The following DOCK11 variants were observed in gnomAD, a reference collection of about 807,000 sequenced individuals.
DOCK11 encodes the protein dedicator of cytokinesis 11, also known as dedicator of cytokinesis protein 11.
Under a neutral mutation model 169.1 loss-of-function variants are expected in DOCK11, and 70 were observed. The observed-to-expected ratio is 0.41, with a 90% confidence interval of 0.34 to 0.51. DOCK11 has a LOEUF of 0.51. DOCK11 is among the 20% of genes least tolerant of loss of function. DOCK11 has a pLI of 0.10. For missense variants in DOCK11, 1,166 were observed against 1,538.8 expected (o/e 0.76, Z 4.05); for synonymous variants, 529 against 541.3 (o/e 0.98, Z 0.32).
At chrX:118,569,591 C>T (rs1467210571) in intron 10 of DOCK11, 1 of 111,260 alleles carries the variant, frequency 9.0e-6, no homozygotes. Flanking sequence ...AGTATATAGG[C>T]TATAAATAAT....
At chrX:118,565,455 G>A (rs986562833) in intron 7 of DOCK11, among the ~76,000 whole-genome samples, 5 of 111,570 alleles carry the variant, frequency 4.5e-5, no homozygotes, top group South Asian at 3.7e-4. Context: ...AACTATGGTC[G>A]CCCTATTGTG....
intron 52 of DOCK11, 119 bp from the exon 53 acceptor site, chrX:118,685,569 G>A (rs1305978496): frequency 3.2e-6 from 3 of 926,490 alleles, no homozygotes; most frequent in Non-Finnish European, 4.5e-6. Flanking sequence ...TCTGCTTTCT[G>A]TCTTTTTAAA....
intron 1 of DOCK11, among the ~76,000 whole-genome samples, chrX:118,507,220 A>G (rs1024029964): frequency 2.7e-5 from 3 of 112,429 alleles, no homozygotes; most frequent in Admixed American, 1.9e-4. Context: ...TTCCCATCGC[A>G]TTGCTTTCCC....
In DOCK11 at chrX:118,654,955, C is replaced by T. The variant is rs1002891985; in HGVS notation, c.4963C>T (p.Arg1655Ter). The T allele has an allele frequency of 8.3e-7, 1 of 1,205,385 alleles. No individual in the cohort carries two copies. The highest frequency in any genetic ancestry group is 1.7e-5 in the African/African-American group (1 of 57,648). ...VAALVAEFLH[R>*]KKLFPNGCSA... The stretch of plus-strand genomic sequence containing the variant: ...AGCTCTAGTTGCAGAGTTTCTTCAT[C>T]GAAAAAGTAAGATATTTCTGTTTTT... The change falls in exon 44 of 53, where the codon CGA becomes TGA. Residue 1655 changes from arginine to a stop codon, truncating the protein, a stop_gained. Coordinates refer to ENST00000276202, the MANE Select transcript of DOCK11 (RefSeq NM_144658.4). LOFTEE classifies it high-confidence loss of function.
At chrX:118,583,118 G>T (rs977991913) in intron 14 of DOCK11, among the ~76,000 whole-genome samples, 2 of 111,805 alleles carry the variant, frequency 1.8e-5, no homozygotes, top group African/African-American at 6.5e-5. Context: ...ATGAGTTCAT[G>T]TCCTTTGCAG....
chrX:118,515,556 C>G (rs1178304889), intron 1 of DOCK11, among the ~76,000 whole-genome samples: 1 of 111,024 alleles, frequency 9.0e-6, no homozygotes, highest in African/African-American at 3.3e-5. Flanking sequence ...TCTGTAAAGA[C>G]CCTTTGGCCA....
rs2016842457 is a variant in DOCK11 at position 118,685,684 on chromosome X, T to G, written c.6103-4T>G. 4.1e-6 allele frequency: 5 copies of G among 1,207,965 alleles called. No homozygotes were observed. In the South Asian group the frequency reaches 8.9e-5, roughly 22 times the overall value. On this transcript the variant is annotated splice_polypyrimidine_tract_variant and splice_region_variant and intron_variant, in intron 52 of 52. Transcript: ENST00000276202. ...GATAATCATGCTGATTTCTTCTGTT[T>G]TAGATATTACAAGAAGACACAATGC...
At chrX:118,540,587 A>G (rs1483946618) in intron 1 of DOCK11, among the ~76,000 whole-genome samples, 2 of 111,702 alleles carry the variant, frequency 1.8e-5, no homozygotes, top group East Asian at 5.6e-4. Flanking sequence ...AATAAAGCAT[A>G]AAGGTTAGGA....
intron 44 of DOCK11, among the ~76,000 whole-genome samples, chrX:118,656,154 G>A (rs1261239587): frequency 9.1e-6 from 1 of 110,408 alleles, no homozygotes; most frequent in Admixed American, 9.7e-5. Context: ...AGCTGGGCAT[G>A]GTGTCACATG....
In DOCK11 at chrX:118,627,560, G is replaced by A; in HGVS notation, c.3645G>A (p.Leu1215=). 1 of 1,208,870 alleles carries A rather than the reference G, an allele frequency of 8.3e-7. No homozygotes were observed. Among genetic ancestry groups the A allele is most frequent in the South Asian group, 1.8e-5 (1 of 56,873 alleles). The change falls in exon 33 of 53, where the codon CTG becomes CTA. Residue 1215 remains leucine (L), a synonymous_variant. Coordinates refer to ENST00000276202, the MANE Select transcript of DOCK11 (RefSeq NM_144658.4). Reference sequence around the variant, plus strand: ...CTTCACCTGCCAATAGAGGGAGTCTGAGCACTGACAAAGACACCGGTAATT... The same window carrying A: ...CTTCACCTGCCAATAGAGGGAGTCTAAGCACTGACAAAGACACCGGTAATT... The part of the protein sequence containing the change: ...GFTSPANRGS[L]STDKDTAYGS...
intron 13 of DOCK11, among the ~76,000 whole-genome samples, chrX:118,579,604 T>G (rs1422305640): frequency 8.9e-6 from 1 of 111,975 alleles, no homozygotes; most frequent in African/African-American, 3.2e-5. Flanking sequence ...CTGTTTAGAC[T>G]CTATAGGCAG....
intron 52 of DOCK11, among the ~76,000 whole-genome samples, chrX:118,684,398 A>T (rs1239171338): frequency 9.6e-6 from 1 of 104,466 alleles, no homozygotes; most frequent in Non-Finnish European, 1.9e-5. Context: ...TCAGCCTCCC[A>T]AGTAGCTGGG....
chrX:118,598,940 G>T (rs938133264), intron 22 of DOCK11, among the ~76,000 whole-genome samples, 199 bp from the exon 23 acceptor site: 14 of 111,882 alleles, frequency 1.3e-4, no homozygotes, highest in African/African-American at 4.5e-4. Flanking sequence ...GGCATAAATG[G>T]TGGCCTACCC....
chrX:118,523,155 C>T (rs2011300647), intron 1 of DOCK11, among the ~76,000 whole-genome samples: 2 of 112,371 alleles, frequency 1.8e-5, no homozygotes, highest in African/African-American at 3.2e-5. Context: ...TTCCTCCTGT[C>T]CTACATTTTC....
intron 1 of DOCK11, among the ~76,000 whole-genome samples, chrX:118,531,769 G>C (rs1445010835): frequency 2.7e-5 from 3 of 109,993 alleles, no homozygotes; most frequent in African/African-American, 9.9e-5. Context: ...ATGATGGCCA[G>C]GCAGGTCTCG....
At chrX:118,647,533 AT>A (rs2015722080) in intron 40 of DOCK11, among the ~76,000 whole-genome samples, 1 of 74,110 alleles carries the variant, frequency 1.3e-5, no homozygotes, top group Non-Finnish European at 2.4e-5. Context: ...ATAATATAAT[AT>A]TATATATTAT....
chrX:118,674,004 A>G (rs1424076841), intron 46 of DOCK11, among the ~76,000 whole-genome samples: 1 of 112,211 alleles, frequency 8.9e-6, no homozygotes, highest in African/African-American at 3.2e-5. Flanking sequence ...TTTGGATATC[A>G]GATTTTCAGA....
rs1181710466 is a variant in DOCK11, at chrX:118,635,392, T to C, written c.3887-954T>C. On this transcript the variant is annotated intron_variant, in intron 35 of 52. Transcript: ENST00000276202. ...GTGGCACTGTTTGTTTTGTTTTGTT[T>C]TGTTTTAAATCTCACTAAGTAGGTG... Among the ~76,000 whole-genome samples the C allele has an allele frequency of 7.2e-5, 8 of 111,857 alleles. No individual in the cohort carries two copies. The East Asian group carries it at 2.2e-3, about 31-fold the overall frequency.
At chrX:118,660,003 A>G (rs1010471214) in intron 44 of DOCK11, among the ~76,000 whole-genome samples, 5 of 111,555 alleles carry the variant, frequency 4.5e-5, no homozygotes, top group Non-Finnish European at 9.4e-5. Context: ...GGGATTCACT[A>G]TCTTCTTCAA....
Sources: allele counts gnomAD v4.1 joint callset (sites outside exome capture counted in the v4.1 genomes callset), GRCh38; gene constraint gnomAD v4.1.1; transcripts MANE v1.5; gene names NCBI Gene and HGNC (gene_info 2026-07-23, HGNC 2026-07-21).